The following TBC1D2B variants were observed in gnomAD, a reference collection of about 807,000 sequenced individuals.
The protein encoded by TBC1D2B is TBC1 domain family, member 2B.
In TBC1D2B, 64 loss-of-function variants were observed where a neutral mutation model predicts 100.8. That is an observed-to-expected ratio of 0.64 (90% CI 0.52 to 0.78). The LOEUF is 0.78. Ranked by LOEUF, TBC1D2B falls within the 30% of genes least tolerant of loss-of-function variation. The pLI, the probability that TBC1D2B is intolerant of heterozygous loss-of-function variation, is 0.00. For synonymous variants in TBC1D2B, 480 were observed against 479.7 expected (o/e 1.00, Z -0.01); for missense variants, 1,052 against 1,218.4 (o/e 0.86, Z 2.03).
At chr15:78,058,260 C>A (rs2073467696) in intron 1 of TBC1D2B, among the ~76,000 whole-genome samples, 1 of 152,206 alleles carries the variant, frequency 6.6e-6, no homozygotes. Context: ...GGTGGGAGAT[C>A]TGGCTTGGCA....
intron 1 of TBC1D2B, among the ~76,000 whole-genome samples, chr15:78,067,211 G>C (rs1486713654): frequency 1.3e-5 from 2 of 152,200 alleles, no homozygotes; most frequent in East Asian, 1.9e-4. Flanking sequence ...TATCACACAT[G>C]GGAAGGGGGC....
At chr15:78,001,989 A>C in intron 11 of TBC1D2B, 1 of 287,830 alleles carries the variant, frequency 3.5e-6, no homozygotes, top group Non-Finnish European at 6.4e-6. Context: ...TCCTTATAGG[A>C]GATCTTTGTG....
intron 1 of TBC1D2B, among the ~76,000 whole-genome samples, chr15:78,069,131 C>A (rs945873286): frequency 2.6e-5 from 4 of 152,194 alleles, no homozygotes; most frequent in Admixed American, 2.0e-4. Context: ...GGTCCACCCC[C>A]CTCAGACGTG....
intron 6 of TBC1D2B, among the ~76,000 whole-genome samples, chr15:78,020,510 G>A (rs1596312594): frequency 2.0e-5 from 3 of 152,302 alleles, no homozygotes; most frequent in Middle Eastern, 3.4e-3. Flanking sequence ...ATGGATTACC[G>A]CCTGTAACCC....
intron 3 of TBC1D2B, among the ~76,000 whole-genome samples, chr15:78,039,266 T>C (rs1381514938): frequency 1.3e-5 from 2 of 152,184 alleles, no homozygotes; most frequent in African/African-American, 4.8e-5. Context: ...GGTGCCTGCT[T>C]TGGGCTGCGC....
chr15:78,071,164 C>T (rs2073737700), intron 1 of TBC1D2B, among the ~76,000 whole-genome samples: 1 of 152,098 alleles, frequency 6.6e-6, no homozygotes, highest in Non-Finnish European at 1.5e-5. Flanking sequence ...GATAGGGTCT[C>T]ACTTTGTTGC....
In TBC1D2B at chr15:78,077,691, C is replaced by T; in HGVS notation, c.-39G>A. The T allele has an allele frequency of 1.0e-6, 1 of 985,882 alleles. No homozygotes were observed. The highest frequency in any genetic ancestry group is 1.2e-6 in the Non-Finnish European group (1 of 830,698). The allele number at this position is 985,882 out of a possible 1,614,324, so 61.1% of individuals were successfully genotyped here. On this transcript the variant is annotated 5_prime_UTR_variant, in exon 1 of 13. Transcript: ENST00000300584. Reference sequence around the variant, plus strand: ...CAACCGTAGGCGCCCGCGCCCTGCGCCTCCGCGCCGCGGCCGCTGCGCCCC... The same window carrying T: ...CAACCGTAGGCGCCCGCGCCCTGCGTCTCCGCGCCGCGGCCGCTGCGCCCC...
At chr15:78,021,478 T>C (rs1165814456) in intron 6 of TBC1D2B, among the ~76,000 whole-genome samples, 1 of 152,210 alleles carries the variant, frequency 6.6e-6, no homozygotes, top group Admixed American at 6.5e-5. Context: ...TCCCTCTTTC[T>C]CCCTGGAGCC....
chr15:78,068,292 T>C (rs1010428513), intron 1 of TBC1D2B, among the ~76,000 whole-genome samples: 1 of 151,972 alleles, frequency 6.6e-6, no homozygotes, highest in African/African-American at 2.4e-5. Flanking sequence ...GCATAGTGCT[T>C]AGAATATGAT....
chr15:78,016,314 C>T (rs889366830), intron 8 of TBC1D2B, among the ~76,000 whole-genome samples: 2 of 152,068 alleles, frequency 1.3e-5, no homozygotes, highest in African/African-American at 4.8e-5. Context: ...GGCTCCCTTA[C>T]TTACACGAAA....
At chr15:78,075,049 A>G (rs2073806630) in intron 1 of TBC1D2B, among the ~76,000 whole-genome samples, 1 of 152,136 alleles carries the variant, frequency 6.6e-6, no homozygotes, top group African/African-American at 2.4e-5. Context: ...CCACTAGACC[A>G]AAGAGGAAAC....
intron 3 of TBC1D2B, among the ~76,000 whole-genome samples, chr15:78,040,620 G>GAGAA (rs1555420790): frequency 8.3e-6 from 1 of 121,136 alleles, no homozygotes; most frequent in Non-Finnish European, 1.7e-5. Context: ...GAGAAAGAAA[G>GAGAA]AGAGAGAGAA....
chr15:78,028,939 T>C (rs200341392), intron 4 of TBC1D2B, among the ~76,000 whole-genome samples: 2 of 152,256 alleles, frequency 1.3e-5, no homozygotes, highest in East Asian at 3.8e-4. Context: ...TGTGTGGGTC[T>C]TGTTTGAATC....
At chr15:78,011,470 CTTT>C (rs201268185) in intron 9 of TBC1D2B, among the ~76,000 whole-genome samples, 22 of 130,370 alleles carry the variant, frequency 1.7e-4, no homozygotes, top group Middle Eastern at 3.8e-3. Flanking sequence ...TTATCCATAT[CTTT>C]TTTTTTTTTT....
intron 1 of TBC1D2B, among the ~76,000 whole-genome samples, chr15:78,062,315 T>C (rs181111402): frequency 1.2e-4 from 19 of 152,234 alleles, no homozygotes; most frequent in African/African-American, 4.1e-4. Context: ...TAATAGACAA[T>C]GACGAACTGA....
chr15:78,030,645 T>C lies in TBC1D2B; in HGVS notation c.684-475A>G, dbSNP rs1424305023. ...TTCTTATACACTGCTGGTGGGATTA[T>C]AAATTGATACTATTACCATGCAGAG... On this transcript the variant is annotated intron_variant, in intron 3 of 12. Transcript: ENST00000300584. Among the ~76,000 whole-genome samples the C allele has an allele frequency of 2.0e-5, 3 of 152,210 alleles. No individual in the cohort carries two copies. In the East Asian group the frequency reaches 5.8e-4, roughly 29 times the overall value.
chr15:78,077,436 G>C lies in TBC1D2B; in HGVS notation c.217C>G (p.Pro73Ala), dbSNP rs777614702. ...RRCYLYYFKS[P>A]QDALPLGHLD... is the part of the protein sequence containing the mutation. ...TGGCCGAGGGGCAGCGCGTCCTGCG[G>C]ACTCTTGAAATAGTAAAGGTAGCAG... The change falls in exon 1 of 13, where the codon CCG (proline) becomes GCG (alanine). Residue 73 changes from proline (P) to alanine (A), a missense_variant. Physicochemically the swap from Pro to Ala is conservative, Grantham distance 27. This residue lies in a region of TBC1D2B where 627 missense variants were observed against 646.1 expected (regional missense o/e 0.97). Transcript: ENST00000300584. 6.5e-7 allele frequency: 1 copy of C among 1,545,196 alleles called. No individual in the cohort carries two copies. Among genetic ancestry groups the C allele is most frequent in the South Asian group, 1.2e-5 (1 of 83,530 alleles).
At chr15:78,028,552 T>C (rs1013245895) in intron 4 of TBC1D2B, among the ~76,000 whole-genome samples, 2 of 152,252 alleles carry the variant, frequency 1.3e-5, no homozygotes, top group Non-Finnish European at 2.9e-5. Context: ...ATTTTATGAA[T>C]GAATCAAGAT....
chr15:78,038,598 A>T (rs2073003880), intron 3 of TBC1D2B, among the ~76,000 whole-genome samples: 1 of 152,216 alleles, frequency 6.6e-6, no homozygotes. Flanking sequence ...GATTGAATTG[A>T]TTCAGGTCCC....
Sources: gnomAD v4.1 joint callset for allele counts (sites outside exome capture counted in the v4.1 genomes callset) on GRCh38, gnomAD v4.1.1 for gene constraint, gnomAD v4.1.1 regional missense constraint, MANE v1.5 for transcripts, NCBI Gene and HGNC (gene_info 2026-07-23, HGNC 2026-07-21) for gene names.